LRRC4C: variants seen among roughly 807,000 people sequenced by gnomAD.
The protein encoded by LRRC4C is leucine rich repeat containing 4C.
In LRRC4C, 5 loss-of-function variants were observed where a neutral mutation model predicts 33.6. The ratio of observed to expected loss-of-function variants is 0.15; its 90% CI spans 0.08 to 0.31. The LOEUF (loss-of-function observed/expected upper bound fraction) is 0.31. LRRC4C is among the 10% of genes least tolerant of loss of function. The probability of loss-of-function intolerance (pLI) is 1.00; values close to 1 mark genes in which losing one functional copy is unlikely to be tolerated. For missense variants in LRRC4C, 560 were observed against 796.7 expected (o/e 0.70, Z 3.58); for synonymous variants, 329 against 302.0 (o/e 1.09, Z -0.93).
At chr11:41,093,185 A>G (rs1434899770) in intron 1 of LRRC4C, among the ~76,000 whole-genome samples, 1 of 152,228 alleles carries the variant, frequency 6.6e-6, no homozygotes, top group Non-Finnish European at 1.5e-5. Flanking sequence ...CTGTTCTTTA[A>G]TAATTTTCCA....
rs549442168 is a variant in LRRC4C, at chr11:40,676,688, A to G, written c.-406-28410T>C. On this transcript the variant is annotated intron_variant, in intron 2 of 6. Coordinates refer to ENST00000528697, the MANE Select transcript of LRRC4C (RefSeq NM_001258419.2). ...CCTTCTTTTAGGCTATATTTATCCA[A>G]TTTTGATAATCTTGACCAATTTGGC... 5.9e-5 allele frequency among the ~76,000 whole-genome samples: 9 copies of G among 152,254 alleles called. No homozygotes were observed. In the South Asian group the frequency reaches 1.9e-3, roughly 32 times the overall value.
intron 4 of LRRC4C, among the ~76,000 whole-genome samples, chr11:40,310,433 C>A (rs915428105): frequency 2.0e-5 from 3 of 152,158 alleles, no homozygotes; most frequent in Admixed American, 6.5e-5. Flanking sequence ...CATTGTACCA[C>A]ATTGCTTGCC....
intron 2 of LRRC4C, among the ~76,000 whole-genome samples, chr11:40,918,829 T>A (rs774341252): frequency 6.6e-6 from 1 of 152,110 alleles, no homozygotes; most frequent in Non-Finnish European, 1.5e-5. Context: ...TGAGTTAAAC[T>A]CAAAAGAAGA....
chr11:41,075,014 C>CTTTTTTTTTTTT (rs869112602), intron 1 of LRRC4C, among the ~76,000 whole-genome samples: 1 of 101,014 alleles, frequency 9.9e-6, no homozygotes, highest in South Asian at 4.0e-4. Context: ...CTTCAATTTT[C>CTTTTTTTTTTTT]TTTTTTTTTT....
intron 2 of LRRC4C, among the ~76,000 whole-genome samples, chr11:40,745,052 G>A (rs1487235296): frequency 6.6e-6 from 1 of 152,080 alleles, no homozygotes. Flanking sequence ...CTAAGCAAAT[G>A]GTAAAGTATT....
chr11:40,255,254 G>A (rs545352537), intron 4 of LRRC4C, among the ~76,000 whole-genome samples: 27 of 152,154 alleles, frequency 1.8e-4, no homozygotes, highest in South Asian at 4.1e-4. Context: ...CAACCCCGAC[G>A]CAGTCTGGGA....
chr11:40,489,296 T>C (rs945962148), intron 3 of LRRC4C, among the ~76,000 whole-genome samples: 24 of 152,230 alleles, frequency 1.6e-4, no homozygotes, highest in Middle Eastern at 3.4e-3. Context: ...ACTCTCTGCC[T>C]ACAATGTCCC....
chr11:40,608,239 TAATA>T (rs1295562051), intron 3 of LRRC4C, among the ~76,000 whole-genome samples: 1 of 152,140 alleles, frequency 6.6e-6, no homozygotes, highest in Non-Finnish European at 1.5e-5. Flanking sequence ...TTCGTGACAT[TAATA>T]AATTGTGGGG....
intron 1 of LRRC4C, among the ~76,000 whole-genome samples, chr11:41,315,548 C>T (rs375963380): frequency 3.3e-5 from 5 of 152,108 alleles, no homozygotes; most frequent in African/African-American, 7.2e-5. Flanking sequence ...GTGGGTAAGT[C>T]GCCTTAGAAG....
chr11:41,076,966 A>G (rs1939196848), intron 1 of LRRC4C, among the ~76,000 whole-genome samples: 1 of 152,206 alleles, frequency 6.6e-6, no homozygotes, highest in Non-Finnish European at 1.5e-5. Context: ...TCACAGGCCC[A>G]ATGCAAGTCC....
At chr11:40,224,166 C>T (rs1864618863) in intron 5 of LRRC4C, among the ~76,000 whole-genome samples, 1 of 152,160 alleles carries the variant, frequency 6.6e-6, no homozygotes, top group Admixed American at 6.5e-5. Context: ...GGATGAGTTT[C>T]AAAATCCAAT....
intron 3 of LRRC4C, among the ~76,000 whole-genome samples, chr11:40,616,906 A>G (rs1033099394): frequency 2.8e-5 from 3 of 106,618 alleles, no homozygotes; most frequent in Non-Finnish European, 2.0e-5. Flanking sequence ...AACTTAAAGT[A>G]TAAAAAAAAA....
intron 5 of LRRC4C, among the ~76,000 whole-genome samples, chr11:40,205,798 G>A (rs1365460457): frequency 6.6e-6 from 1 of 152,128 alleles, no homozygotes; most frequent in Non-Finnish European, 1.5e-5. Context: ...ATATCATTAA[G>A]TTACAAGTAT....
chr11:40,211,269 C>T (rs960772809), intron 5 of LRRC4C, among the ~76,000 whole-genome samples: 4 of 152,220 alleles, frequency 2.6e-5, no homozygotes, highest in South Asian at 2.1e-4. Flanking sequence ...TAAACCCGTG[C>T]TTGGCACATA....
intron 3 of LRRC4C, among the ~76,000 whole-genome samples, chr11:40,388,109 G>A (rs1949184368): frequency 6.6e-6 from 1 of 152,034 alleles, no homozygotes; most frequent in African/African-American, 2.4e-5. Context: ...CAAACTATCT[G>A]CTTCTACCTG....
At position 41,035,215 on chromosome 11, in the gene LRRC4C, A is replaced by G. The variant is rs188640747; in HGVS notation, c.-495-101492T>C. On this transcript the variant is annotated intron_variant, in intron 1 of 6. Coordinates refer to ENST00000528697, the MANE Select transcript of LRRC4C (RefSeq NM_001258419.2). The stretch of plus-strand genomic sequence containing the variant: ...AATATAAATAAATACATAAATAAAT[A>G]AATAAATAAATATATAAATAAATAA... Among the ~76,000 whole-genome samples, 266 of 151,212 alleles carry G rather than the reference A, an allele frequency of 1.8e-3. 1 individual carries two copies. Among genetic ancestry groups the G allele is most frequent in the Non-Finnish European group, 3.2e-3 (214 of 67,732 alleles).
At chr11:41,431,910 C>G (rs1955250786) in intron 1 of LRRC4C, among the ~76,000 whole-genome samples, 1 of 151,962 alleles carries the variant, frequency 6.6e-6, no homozygotes, top group South Asian at 2.1e-4. Context: ...TGATTTTGTC[C>G]AGCATGTAGT....
chr11:41,281,182 A>G (rs567245631), intron 1 of LRRC4C, among the ~76,000 whole-genome samples: 1 of 151,444 alleles, frequency 6.6e-6, no homozygotes, highest in Admixed American at 6.6e-5. Flanking sequence ...CAGTAGTGCT[A>G]AAATCTAAAG....
intron 5 of LRRC4C, among the ~76,000 whole-genome samples, chr11:40,189,209 C>T (rs1861635620): frequency 6.6e-6 from 1 of 151,884 alleles, no homozygotes; most frequent in South Asian, 2.1e-4. Flanking sequence ...GTTTCTTTTC[C>T]TTTATTTCCC....
Sources: gnomAD v4.1 joint callset for allele counts (sites outside exome capture counted in the v4.1 genomes callset) on GRCh38, gnomAD v4.1.1 for gene constraint, MANE v1.5 for transcripts, NCBI Gene and HGNC (gene_info 2026-07-23, HGNC 2026-07-21) for gene names.